Variants in HERPUD1 observed in about 807,000 individuals in gnomAD.
HERPUD1 encodes homocysteine-responsive endoplasmic reticulum-resident ubiquitin-like domain member 1 protein.
Under a neutral mutation model 45.0 loss-of-function variants are expected in HERPUD1, and 17 were observed. That is an observed-to-expected ratio of 0.38 (90% CI 0.26 to 0.57). The LOEUF is 0.57. Ranked by LOEUF, HERPUD1 falls within the 20% of genes least tolerant of loss-of-function variation. The pLI is 0.72. For synonymous variants in HERPUD1, 164 were observed against 177.5 expected (o/e 0.92, Z 0.61); for missense variants, 420 against 490.5 (o/e 0.86, Z 1.36).
intron 1 of HERPUD1, chr16:56,934,929 C>G (rs1257900741): frequency 1.4e-5 from 4 of 291,402 alleles, no homozygotes; most frequent in Admixed American, 4.7e-5. Context: ...CCAGGCTGGT[C>G]TCGAACCCCT....
intron 1 of HERPUD1, 101 bp from the exon 2 acceptor site, chr16:56,935,134 A>G (rs1567459477): frequency 1.3e-6 from 1 of 769,476 alleles, no homozygotes; most frequent in Non-Finnish European, 2.3e-6. Context: ...CTGGGGGGAA[A>G]CACACATATT....
chr16:56,936,614 A>C (rs2055868294), intron 3 of HERPUD1, 73 bp from the exon 4 acceptor site: 1 of 1,418,628 alleles, frequency 7.0e-7, no homozygotes, highest in East Asian at 2.5e-5. Flanking sequence ...TTGACAGCAA[A>C]ATAATTCCTT....
intron 7 of HERPUD1, among the ~76,000 whole-genome samples, 163 bp from the exon 8 acceptor site, chr16:56,942,963 T>C (rs1484731235): frequency 2.6e-5 from 4 of 152,200 alleles, no homozygotes; most frequent in African/African-American, 9.7e-5. Flanking sequence ...AACAGCCCTA[T>C]CCAGCCTAGG....
At chr16:56,941,717 G>T (rs542572192) in intron 6 of HERPUD1, 2 of 152,484 alleles carry the variant, frequency 1.3e-5, no homozygotes, top group Non-Finnish European at 2.9e-5. Context: ...CAAATAAAAC[G>T]TTTAGTTAAT....
chr16:56,939,065 C>A (rs1391491741), intron 4 of HERPUD1, 172 bp from the exon 5 acceptor site: 5 of 655,980 alleles, frequency 7.6e-6, no homozygotes, highest in Non-Finnish European at 1.3e-5. Flanking sequence ...TCATTTAGTA[C>A]CTTCTGTGCT....
intron 5 of HERPUD1, 37 bp from the exon 6 acceptor site, chr16:56,939,858 G>T (rs367554727): frequency 1.0e-5 from 16 of 1,525,204 alleles, no homozygotes; most frequent in Non-Finnish European, 1.3e-5. Flanking sequence ...CGGTGCTTTG[G>T]TCTCAACAGT....
At chr16:56,933,600 A>G (rs1161826467) in intron 1 of HERPUD1, among the ~76,000 whole-genome samples, 8 of 152,216 alleles carry the variant, frequency 5.3e-5, no homozygotes, top group African/African-American at 1.9e-4. Flanking sequence ...CAGTCTGAAG[A>G]CCTAACATTG....
intron 5 of HERPUD1, 139 bp downstream of exon 5, chr16:56,939,498 G>T (rs939141879): frequency 7.2e-6 from 8 of 1,111,534 alleles, no homozygotes; most frequent in Non-Finnish European, 1.0e-5. Flanking sequence ...TGTTTGGTCT[G>T]TGGGTAGAGT....
intron 7 of HERPUD1, 118 bp from the exon 8 acceptor site, chr16:56,943,008 G>C (rs1341276819): frequency 9.7e-6 from 10 of 1,027,030 alleles, no homozygotes; most frequent in Non-Finnish European, 1.5e-5. Flanking sequence ...GCCTGCTGCT[G>C]TGCCTATGGG....
Position 56,934,702 on chromosome 16 carries a change from C to CTT in HERPUD1, c.148-507_148-506dup, listed in dbSNP as rs869088050. 3.6e-3 allele frequency among the ~76,000 whole-genome samples: 216 copies of CTT among 59,900 alleles called. 36 individuals carry two copies. The highest frequency in any genetic ancestry group is 4.1e-3 in the African/African-American group (61 of 14,978). 39.3% of individuals were successfully genotyped at this position (59,900 alleles called of 152,430 possible). A position where few individuals can be genotyped will look rare whatever the true frequency, so the allele number is the denominator to read the frequency against. The stretch of plus-strand genomic sequence containing the variant: ...TTTGGACTGGAGATAATTTGCCATT[C>CTT]TTTTTTTTTTTTTTTTTTTTTTTTT... On this transcript the variant is annotated intron_variant, in intron 1 of 7. Transcript: ENST00000439977.
rs2055829264 is a variant in HERPUD1, at chr16:56,932,174, T to G, written c.-71T>G. 6.4e-7 allele frequency: 1 copy of G among 1,568,762 alleles called. No homozygotes were observed. Among genetic ancestry groups the G allele is most frequent in the Non-Finnish European group, 8.6e-7 (1 of 1,164,156 alleles). ...AGACGTGAACTGTCGTTGCAGAGAT[T>G]GCGGGCGGCTGAGACGCCGCCTGCC... On this transcript the variant is annotated 5_prime_UTR_variant, in exon 1 of 8. In the 5' UTR this introduces an upstream ATG that the reference lacks. Transcript: ENST00000439977.
intron 4 of HERPUD1, chr16:56,937,359 T>C (rs1337012630): frequency 6.6e-6 from 1 of 152,218 alleles, no homozygotes; most frequent in Non-Finnish European, 1.5e-5. Context: ...GAATACATTG[T>C]TTTTGGGGAA....
At position 56,938,180 on chromosome 16, in the gene HERPUD1, G is replaced by A. The variant is rs532001522; in HGVS notation, c.432-1057G>A. 4.7e-4 allele frequency among the ~76,000 whole-genome samples: 71 copies of A among 152,310 alleles called. No homozygotes were observed. In the South Asian group the frequency reaches 0.014, roughly 31 times the overall value. On this transcript the variant is annotated intron_variant, in intron 4 of 7. Coordinates refer to ENST00000439977, the MANE Select transcript of HERPUD1 (RefSeq NM_014685.4). ...GGTTTCAATTTTGTGATGTGCTACT[G>A]AAGAAATTGACTGTGTAAGAAGCAC...
intron 1 of HERPUD1, among the ~76,000 whole-genome samples, chr16:56,933,762 A>G (rs558162619): frequency 7.2e-4 from 109 of 152,366 alleles, no homozygotes; most frequent in African/African-American, 2.5e-3. Context: ...TTTTCAAATC[A>G]GCCATCTGTG....
At chr16:56,935,707 T>C in intron 3 of HERPUD1, 1 of 547,752 alleles carries the variant, frequency 1.8e-6, no homozygotes, top group Non-Finnish European at 3.3e-6. Flanking sequence ...CATATTGCAC[T>C]ATCTTATGGG....
At chr16:56,937,420 C>G (rs1340761556) in intron 4 of HERPUD1, 1 of 152,110 alleles carries the variant, frequency 6.6e-6, no homozygotes, top group Non-Finnish European at 1.5e-5. Flanking sequence ...TTCTCCGTCC[C>G]CCTTTTTCTA....
In HERPUD1 at chr16:56,932,258, C is replaced by A. The variant is rs771580864; in HGVS notation, c.14C>A (p.Thr5Asn). The change falls in exon 1 of 8, where the codon ACC (threonine) becomes AAC (asparagine). Residue 5 changes from threonine (T) to asparagine (N), a missense_variant. Physicochemically the swap from Thr to Asn is moderately conservative, Grantham distance 65. Transcript: ENST00000439977. MESE[T>N]EPEPVTLLVK... is the part of the protein sequence containing the mutation. ...GCCGCCGCCGCCATGGAGTCCGAGA[C>A]CGAACCCGAGCCCGTCACGCTCCTG... 2.1e-5 allele frequency: 33 copies of A among 1,608,618 alleles called. No homozygotes were observed. The highest frequency in any genetic ancestry group is 2.8e-5 in the Non-Finnish European group (33 of 1,179,442).
chr16:56,936,848 G>A, intron 4 of HERPUD1, 31 bp downstream of exon 4: 3 of 1,608,188 alleles, frequency 1.9e-6, no homozygotes. Flanking sequence ...CTTGGCTTAT[G>A]CAACATGAAT....
intron 6 of HERPUD1, chr16:56,941,101 C>T (rs1397002417): frequency 5.3e-5 from 8 of 152,320 alleles, no homozygotes; most frequent in African/African-American, 1.9e-4. Context: ...ACCTTACCTT[C>T]CAGGCTCACA....
Sources: gnomAD v4.1 joint callset for allele counts (sites outside exome capture counted in the v4.1 genomes callset) on GRCh38, gnomAD v4.1.1 for gene constraint, MANE v1.5 for transcripts, NCBI Gene and HGNC (gene_info 2026-07-23, HGNC 2026-07-21) for gene names.